Variants in AUTS2 observed in about 807,000 individuals in gnomAD.
AUTS2 encodes the protein autism susceptibility gene 2 protein.
Under a neutral mutation model 112.4 loss-of-function variants are expected in AUTS2, and 17 were observed. The ratio of observed to expected loss-of-function variants is 0.15; its 90% confidence interval spans 0.10 to 0.23. The LOEUF (loss-of-function observed/expected upper bound fraction) is 0.23, where lower values mean the gene tolerates loss of function less well. AUTS2 is among the 10% of genes least tolerant of loss of function. The probability of loss-of-function intolerance (pLI) is 1.00; values close to 1 mark genes in which losing one functional copy is unlikely to be tolerated. For missense variants in AUTS2, 1,510 were observed against 1,701.6 expected (o/e 0.89, Z 1.98); for synonymous variants, 751 against 702.7 (o/e 1.07, Z -1.09).
At chr7:69,784,887 A>G (rs1789297270) in intron 1 of AUTS2, among the ~76,000 whole-genome samples, 1 of 152,200 alleles carries the variant, frequency 6.6e-6, no homozygotes, top group Admixed American at 6.5e-5. Flanking sequence ...ACTATGTGCC[A>G]GGCACCCTTC....
intron 1 of AUTS2, among the ~76,000 whole-genome samples, chr7:69,736,433 T>C (rs1320419751): frequency 6.6e-6 from 1 of 152,242 alleles, no homozygotes; most frequent in African/African-American, 2.4e-5. Context: ...GGATCTGTTG[T>C]AGGTTTATGG....
At chr7:69,619,042 T>C (rs1051761241) in intron 1 of AUTS2, among the ~76,000 whole-genome samples, 1 of 151,990 alleles carries the variant, frequency 6.6e-6, no homozygotes, top group Admixed American at 6.6e-5. Flanking sequence ...GTTTGGAGGG[T>C]TGTGTTTGGT....
At chr7:70,387,692 G>T (rs934600130) in intron 4 of AUTS2, among the ~76,000 whole-genome samples, 1 of 152,014 alleles carries the variant, frequency 6.6e-6, no homozygotes, top group Non-Finnish European at 1.5e-5. Flanking sequence ...TCACCTCCTT[G>T]GTTGCCAAGA....
intron 2 of AUTS2, among the ~76,000 whole-genome samples, chr7:69,908,760 G>C (rs1165811586): frequency 6.6e-6 from 1 of 152,216 alleles, no homozygotes; most frequent in East Asian, 1.9e-4. Flanking sequence ...AACCTGGACA[G>C]GTCCTAATTG....
intron 1 of AUTS2, among the ~76,000 whole-genome samples, chr7:69,709,888 C>T (rs1362598574): frequency 1.5e-5 from 2 of 132,374 alleles, no homozygotes; most frequent in Non-Finnish European, 3.2e-5. Context: ...AATAGCATCA[C>T]ACGAAACATG....
At chr7:70,434,852 T>C (rs1209812240) in intron 4 of AUTS2, among the ~76,000 whole-genome samples, 1 of 152,216 alleles carries the variant, frequency 6.6e-6, no homozygotes, top group Non-Finnish European at 1.5e-5. Flanking sequence ...AATGAATAGA[T>C]ATATTTACCT....
At chr7:69,817,553 G>T (rs142255099) in intron 1 of AUTS2, among the ~76,000 whole-genome samples, 1 of 152,302 alleles carries the variant, frequency 6.6e-6, no homozygotes, top group East Asian at 1.9e-4. Flanking sequence ...GCAGTGTTCT[G>T]TCTGAGCACC....
chr7:69,951,866 G>T (rs1234488322), intron 2 of AUTS2, among the ~76,000 whole-genome samples: 1 of 152,140 alleles, frequency 6.6e-6, no homozygotes, highest in Non-Finnish European at 1.5e-5. Context: ...TCGATTATTT[G>T]TGTGTTGGGT....
chr7:70,746,646 C>T (rs1298250100), intron 6 of AUTS2, among the ~76,000 whole-genome samples: 1 of 151,974 alleles, frequency 6.6e-6, no homozygotes, highest in Non-Finnish European at 1.5e-5. Flanking sequence ...AGATGGGATT[C>T]GAAAGTGCAC....
chr7:69,767,518 G>A (rs917674824), intron 1 of AUTS2, among the ~76,000 whole-genome samples: 9 of 152,160 alleles, frequency 5.9e-5, no homozygotes, highest in East Asian at 1.9e-4. Flanking sequence ...AACTTTTGCC[G>A]TAGTTGGACT....
chr7:69,657,443 G>A (rs917579441), intron 1 of AUTS2, among the ~76,000 whole-genome samples: 4 of 152,216 alleles, frequency 2.6e-5, no homozygotes, highest in African/African-American at 4.8e-5. Context: ...GCACTAGGGC[G>A]AAATAAACAG....
chr7:70,685,035 G>A (rs1177451791), intron 5 of AUTS2, among the ~76,000 whole-genome samples: 1 of 152,034 alleles, frequency 6.6e-6, no homozygotes, highest in Admixed American at 6.6e-5. Flanking sequence ...TTCTTGGTTG[G>A]TTGATTTCTC....
intron 6 of AUTS2, among the ~76,000 whole-genome samples, chr7:70,728,261 TA>T (rs1276522212): frequency 6.6e-6 from 1 of 152,238 alleles, no homozygotes; most frequent in Non-Finnish European, 1.5e-5. Context: ...TAATTCTTTT[TA>T]AATGCTTTAT....
intron 4 of AUTS2, among the ~76,000 whole-genome samples, chr7:70,238,043 A>G (rs1308068972): frequency 6.6e-6 from 1 of 152,198 alleles, no homozygotes; most frequent in African/African-American, 2.4e-5. Context: ...ATAATCTCCT[A>G]TTTAAACAGA....
chr7:70,310,612 TAA>T (rs11449648), intron 4 of AUTS2, among the ~76,000 whole-genome samples: 9 of 142,566 alleles, frequency 6.3e-5, no homozygotes, highest in Non-Finnish European at 6.1e-5. Context: ...GACTCTGTCT[TAA>T]AAAAAAAAAA....
chr7:70,379,912 T>G (rs1793292374), intron 4 of AUTS2, among the ~76,000 whole-genome samples: 1 of 152,194 alleles, frequency 6.6e-6, no homozygotes, highest in Non-Finnish European at 1.5e-5. Context: ...CAAATAACTG[T>G]GCTGTGTTGG....
intron 1 of AUTS2, among the ~76,000 whole-genome samples, chr7:69,702,390 ATGAC>A (rs1378051594): frequency 1.3e-5 from 2 of 152,216 alleles, no homozygotes; most frequent in Non-Finnish European, 2.9e-5. Flanking sequence ...AGGAAAATGA[ATGAC>A]TGATTTGAAA....
chr7:70,762,983 A>C lies in AUTS2; in HGVS notation c.856A>C (p.Lys286Gln). Reference protein sequence around the residue: ...RSQEKSQDCCKEPIFEPVVLK... With the variant: ...RSQEKSQDCCQEPIFEPVVLK... ...CCAGGAGAAGAGCCAGGACTGTTGC[A>C]AAGAGCCAATCTTTGAGCCTGTGGT... is the stretch of plus-strand genomic sequence containing the variant. Residue 286 changes from lysine to glutamine, a missense_variant, in exon 7 of 19, where the codon AAA (lysine) becomes CAA (glutamine). Lys to Gln is a moderately conservative substitution (Grantham distance 53). This residue lies in a region of AUTS2 where 535 missense variants were observed against 594.3 expected (regional missense o/e 0.90). Coordinates refer to ENST00000342771, the MANE Select transcript of AUTS2 (RefSeq NM_015570.4). 1 of 1,614,142 alleles carries C rather than the reference A, an allele frequency of 6.2e-7. No individual in the cohort carries two copies.
At chr7:70,669,932 A>G (rs1420702601) in intron 5 of AUTS2, among the ~76,000 whole-genome samples, 1 of 152,218 alleles carries the variant, frequency 6.6e-6, no homozygotes, top group Non-Finnish European at 1.5e-5. Context: ...CAGGGCATGG[A>G]AGAATTCAAA....
Sources: allele counts gnomAD v4.1 joint callset (sites outside exome capture counted in the v4.1 genomes callset), GRCh38; gene constraint gnomAD v4.1.1; regional missense constraint gnomAD v4.1.1; transcripts MANE v1.5; gene names NCBI Gene and HGNC (gene_info 2026-07-23, HGNC 2026-07-21).